SYT16: variants seen among roughly 807,000 people sequenced by gnomAD.
The protein encoded by SYT16 is synaptotagmin-16.
SYT16 carries 42 observed loss-of-function variants against 61.4 expected under a neutral mutation model. The observed-to-expected ratio is 0.68, with a 90% CI of 0.53 to 0.89. The LOEUF is 0.89. SYT16 is among the 40% of genes least tolerant of loss of function. SYT16 has a pLI of 0.00. For missense variants in SYT16, 804 were observed against 807.3 expected (o/e 1.00, Z 0.05); for synonymous variants, 314 against 302.3 (o/e 1.04, Z -0.40).
At chr14:62,050,230 C>A in intron 3 of SYT16, among the ~76,000 whole-genome samples, 1 of 152,046 alleles carries the variant, frequency 6.6e-6, no homozygotes, top group East Asian at 1.9e-4. Flanking sequence ...TTTTGTCTTC[C>A]TTTGCTGATA....
chr14:61,853,862 AT>A (rs2046691282), intron 1 of SYT16, among the ~76,000 whole-genome samples: 1 of 152,168 alleles, frequency 6.6e-6, no homozygotes, highest in African/African-American at 2.4e-5. Context: ...TACCTTTGGA[AT>A]TATTAGGATT....
intron 3 of SYT16, 101 bp from the exon 4 acceptor site, chr14:62,069,502 C>G (rs1365780155): frequency 2.5e-5 from 30 of 1,216,362 alleles, no homozygotes; most frequent in Non-Finnish European, 2.9e-5. Flanking sequence ...TTCGTTCAAA[C>G]TCATTGTCCA....
At chr14:61,992,772 T>A (rs2052605297) in intron 2 of SYT16, among the ~76,000 whole-genome samples, 1 of 151,826 alleles carries the variant, frequency 6.6e-6, no homozygotes, top group Admixed American at 6.6e-5. Context: ...GTGAAGCGAG[T>A]GGATTGTAAA....
intron 4 of SYT16, among the ~76,000 whole-genome samples, 190 bp from the exon 5 acceptor site, chr14:62,074,945 G>A (rs2056429075): frequency 6.6e-6 from 1 of 152,094 alleles, no homozygotes; most frequent in Non-Finnish European, 1.5e-5. Context: ...CACATAATGA[G>A]ATAATGTTCT....
At chr14:61,865,712 G>T (rs548247314) in intron 1 of SYT16, among the ~76,000 whole-genome samples, 51 of 152,230 alleles carry the variant, frequency 3.4e-4, no homozygotes, top group African/African-American at 1.2e-3. Flanking sequence ...GTTATATATT[G>T]GGTGACTTAT....
intron 3 of SYT16, among the ~76,000 whole-genome samples, chr14:62,063,328 A>G (rs2055911284): frequency 6.6e-6 from 1 of 152,202 alleles, no homozygotes; most frequent in African/African-American, 2.4e-5. Flanking sequence ...CAGTGACATG[A>G]TGGGGGATGC....
chr14:61,983,336 C>T (rs535380651), intron 2 of SYT16, among the ~76,000 whole-genome samples: 10 of 152,250 alleles, frequency 6.6e-5, no homozygotes, highest in South Asian at 2.1e-4. Context: ...TAAAAGCTCT[C>T]ATAATAATGG....
At chr14:62,039,284 A>G (rs575869582) in intron 3 of SYT16, among the ~76,000 whole-genome samples, 1 of 152,324 alleles carries the variant, frequency 6.6e-6, no homozygotes, top group Non-Finnish European at 1.5e-5. Context: ...TGTTGAAAAG[A>G]CAAGGCATGA....
intron 3 of SYT16, among the ~76,000 whole-genome samples, chr14:62,042,871 C>G (rs997613358): frequency 1.3e-5 from 2 of 152,138 alleles, no homozygotes; most frequent in African/African-American, 2.4e-5. Flanking sequence ...CTCTAGGGAG[C>G]CAGCTTGGAC....
intron 1 of SYT16, among the ~76,000 whole-genome samples, chr14:61,818,733 G>A (rs1002888497): frequency 6.6e-6 from 1 of 151,678 alleles, no homozygotes; most frequent in Non-Finnish European, 1.5e-5. Context: ...GAATAGCAGA[G>A]TTCTGAGGAA....
intron 7 of SYT16, among the ~76,000 whole-genome samples, chr14:62,090,592 T>A (rs573006241): frequency 1.8e-4 from 28 of 152,330 alleles, no homozygotes; most frequent in Middle Eastern, 3.4e-3. Context: ...CATGGCCATT[T>A]CATATGAAAA....
At chr14:61,921,251 T>C (rs2049323708) in intron 1 of SYT16, among the ~76,000 whole-genome samples, 3 of 152,206 alleles carry the variant, frequency 2.0e-5, no homozygotes, top group Admixed American at 6.5e-5. Flanking sequence ...AAACTCATGT[T>C]CCTGCAGCAG....
chr14:61,926,064 T>C (rs2049523366), intron 1 of SYT16, among the ~76,000 whole-genome samples: 2 of 152,136 alleles, frequency 1.3e-5, no homozygotes, highest in Non-Finnish European at 2.9e-5. Flanking sequence ...AATGAATAAA[T>C]GGTCACCAGG....
At chr14:61,934,540 C>T (rs758049717) in intron 1 of SYT16, among the ~76,000 whole-genome samples, 1 of 152,118 alleles carries the variant, frequency 6.6e-6, no homozygotes, top group Admixed American at 6.5e-5. Context: ...GTGGGTAGCA[C>T]GTGCTTAGAT....
At chr14:61,988,461 C>T (rs1282578158) in intron 2 of SYT16, among the ~76,000 whole-genome samples, 1 of 152,074 alleles carries the variant, frequency 6.6e-6, no homozygotes, top group Non-Finnish European at 1.5e-5. Flanking sequence ...AATAAATACT[C>T]ACAAATACTC....
chr14:62,022,605 T>C (rs372615600), intron 3 of SYT16, among the ~76,000 whole-genome samples: 10 of 149,872 alleles, frequency 6.7e-5, no homozygotes, highest in South Asian at 4.2e-4. Flanking sequence ...TTTCTCCTTC[T>C]ATAATTTGTA....
At chr14:62,003,034 A>G (rs2053083179) in intron 3 of SYT16, among the ~76,000 whole-genome samples, 1 of 152,076 alleles carries the variant, frequency 6.6e-6, no homozygotes, top group South Asian at 2.1e-4. Context: ...CCCATGATTC[A>G]GTTACCTCCC....
At chr14:61,839,663 G>T (rs953102627) in intron 1 of SYT16, among the ~76,000 whole-genome samples, 1 of 152,184 alleles carries the variant, frequency 6.6e-6, no homozygotes, top group Admixed American at 6.5e-5. Flanking sequence ...CTGAGGAAAT[G>T]AGTAAATGTG....
At chr14:62,016,373 A>G (rs1413010783) in intron 3 of SYT16, among the ~76,000 whole-genome samples, 1 of 152,134 alleles carries the variant, frequency 6.6e-6, no homozygotes, top group Non-Finnish European at 1.5e-5. Flanking sequence ...TGAGTCTTTG[A>G]AATAATTCAA....
Sources: gnomAD v4.1 joint callset for allele counts (sites outside exome capture counted in the v4.1 genomes callset) on GRCh38, gnomAD v4.1.1 for gene constraint, MANE v1.5 for transcripts, NCBI Gene and HGNC (gene_info 2026-07-23, HGNC 2026-07-21) for gene names.